HDHD5: variants seen among roughly 807,000 people sequenced by gnomAD.
HDHD5 encodes haloacid dehalogenase like hydrolase domain containing 5.
In HDHD5, 34 loss-of-function variants were observed where a neutral mutation model predicts 35.5. That is an observed-to-expected ratio of 0.96 (90% confidence interval 0.73 to 1.28). The LOEUF (loss-of-function observed/expected upper bound fraction) is 1.28, where lower values mean the gene tolerates loss of function less well. Ranked by LOEUF, HDHD5 falls within the 50% of genes most tolerant of loss-of-function variation. The pLI, the probability that HDHD5 is intolerant of heterozygous loss-of-function variation, is 0.00. For synonymous variants in HDHD5, 248 were observed against 240.6 expected (o/e 1.03, Z -0.29); for missense variants, 589 against 560.2 (o/e 1.05, Z -0.52).
chr22:17,159,533 C>T (rs1183751620), upstream of HDHD5: 3 of 457,806 alleles, frequency 6.6e-6, no homozygotes, highest in South Asian at 3.2e-5. Flanking sequence ...GTACTATCGC[C>T]CTGTGCCTGC....
At chr22:17,162,217 C>T (rs1166371008), upstream of HDHD5, among the ~76,000 whole-genome samples, 1 of 152,178 alleles carries the variant, frequency 6.6e-6, no homozygotes, top group Non-Finnish European at 1.5e-5. Context: ...AACCCTTGAC[C>T]AAAACCTCAT....
chr22:17,141,428 G>T, intron 5 of HDHD5, 195 bp from the exon 6 acceptor site: 1 of 1,362,166 alleles, frequency 7.3e-7, no homozygotes, highest in Non-Finnish European at 9.4e-7. Flanking sequence ...CAGGGCCCAG[G>T]AAGGAGATTC....
rs369297006 is a variant in HDHD5 at position 17,145,105 on chromosome 22, T to C, written c.456A>G (p.Arg152=). ...GCAGCTCATCCACGGTGACGACATT[T>C]CGGAAGCCCAGTCTGGAGCAAGCTC... ...VMENAQGLGF[R]NVVTVDELRM... Residue 152 remains arginine (R), a synonymous_variant, in exon 4 of 8, where the codon CGA becomes CGG. Transcript: ENST00000336737. The C allele has an allele frequency of 6.4e-5, 104 of 1,613,824 alleles. No homozygotes were observed. Among genetic ancestry groups the C allele is most frequent in the Non-Finnish European group, 8.4e-5 (99 of 1,179,990 alleles).
upstream of HDHD5, among the ~76,000 whole-genome samples, chr22:17,163,401 A>G (rs886709001): frequency 1.8e-4 from 28 of 152,180 alleles, no homozygotes; most frequent in African/African-American, 6.3e-4. Flanking sequence ...TTGGATGTGC[A>G]TATCTGATCA....
In HDHD5 at chr22:17,152,847, C is replaced by G. The variant is rs188771260; in HGVS notation, c.127-3102G>C. Among the ~76,000 whole-genome samples the G allele has an allele frequency of 5.2e-3, 796 of 152,070 alleles. 13 individuals are homozygous for G. Among genetic ancestry groups the G allele is most frequent in the Non-Finnish European group, 3.9e-3 (263 of 68,004 alleles). On this transcript the variant is annotated intron_variant, in intron 1 of 7. Coordinates refer to ENST00000336737, the MANE Select transcript of HDHD5 (RefSeq NM_033070.3). ...CTTCTTTCCACTGAACAGGCAAGAC[C>G]CCCGGGAGAGGCAATCTTCCAGCTC...
chr22:17,164,363 A>C (rs1405813777), intron 1 of HDHD5, among the ~76,000 whole-genome samples: 1 of 152,238 alleles, frequency 6.6e-6, no homozygotes. Context: ...AGTTAGGATT[A>C]GGTTTGGCTG....
chr22:17,138,613 A>G lies in HDHD5; in HGVS notation c.872T>C (p.Leu291Pro). 6.2e-7 allele frequency: 1 copy of G among 1,614,244 alleles called. No homozygotes were observed. The highest frequency in any genetic ancestry group is 8.5e-7 in the Non-Finnish European group (1 of 1,180,038). ...SILTYQYAED[L>P]IRRQAERRGW... is the part of the protein sequence containing the mutation. ...CCGCCTCTCCGCCTGTCGCCTGATC[A>G]GGTCCTCGGCATACTGGTAAGTGAG... The change falls in exon 7 of 8, where the codon CTG (leucine) becomes CCG (proline). Residue 291 changes from leucine to proline, a missense_variant. Leu to Pro is a moderately conservative substitution (Grantham distance 98). Coordinates refer to ENST00000336737, the MANE Select transcript of HDHD5 (RefSeq NM_033070.3).
Position 17,148,560 on chromosome 22 carries a change from C to CCAAGTTATCCTCTTGG in HDHD5, c.331-1_331insCCAAGAGGATAACTTG (p.Val111ProfsTer4). 1.2e-6 allele frequency: 2 copies of CCAAGTTATCCTCTTGG among 1,611,522 alleles called. No individual in the cohort carries two copies. Among genetic ancestry groups the CCAAGTTATCCTCTTGG allele is most frequent in the Non-Finnish European group, 1.7e-6 (2 of 1,177,678 alleles). Reference sequence around the variant, plus strand: ...GAGAGGATAACTTGGTCTGCATCCACCTGTAGGGACAGCCAAGACAGGGGA... The same window carrying CCAAGTTATCCTCTTGG: ...GAGAGGATAACTTGGTCTGCATCCACCAAGTTATCCTCTTGGCTGTAGGGACAGCCAAGACAGGGGA... On this transcript the variant is annotated stop_gained and frameshift_variant and splice_region_variant. Transcript: ENST00000336737. LOFTEE classifies it high-confidence loss of function.
intron 6 of HDHD5, among the ~76,000 whole-genome samples, chr22:17,139,344 A>G (rs1338755782): frequency 6.6e-6 from 1 of 152,106 alleles, no homozygotes; most frequent in African/African-American, 2.4e-5. Context: ...TCTGGCCAAC[A>G]TGGTGAAAGC....
At chr22:17,150,548 T>C in intron 1 of HDHD5, among the ~76,000 whole-genome samples, 1 of 150,012 alleles carries the variant, frequency 6.7e-6, no homozygotes, top group East Asian at 1.9e-4. Context: ...AGACAGAGTC[T>C]TGCTCTGTCG....
intron 1 of HDHD5, among the ~76,000 whole-genome samples, chr22:17,152,545 G>A (rs904235342): frequency 3.3e-5 from 5 of 152,118 alleles, no homozygotes; most frequent in Non-Finnish European, 5.9e-5. Context: ...AGCGGGCAGC[G>A]AGAGGTCATT....
chr22:17,145,711 T>G (rs2061655111), intron 3 of HDHD5, among the ~76,000 whole-genome samples: 1 of 151,886 alleles, frequency 6.6e-6, no homozygotes, highest in Non-Finnish European at 1.5e-5. Context: ...CAAAAAACTC[T>G]GTCCCCAAGG....
intron 2 of HDHD5, among the ~76,000 whole-genome samples, chr22:17,149,170 T>C (rs1448646298): frequency 6.6e-6 from 1 of 152,160 alleles, no homozygotes; most frequent in East Asian, 1.9e-4. Context: ...TGCATCAAAG[T>C]TGGGATATGG....
chr22:17,148,335 C>T, intron 3 of HDHD5, 113 bp downstream of exon 3: 1 of 836,358 alleles, frequency 1.2e-6, no homozygotes, highest in Non-Finnish European at 2.0e-6. Context: ...CCCACAACAT[C>T]GCCTGTGTAC....
At chr22:17,140,549 C>T (rs1176712294) in intron 6 of HDHD5, among the ~76,000 whole-genome samples, 2 of 152,116 alleles carry the variant, frequency 1.3e-5, no homozygotes, top group Non-Finnish European at 2.9e-5. Context: ...TGCACCACTG[C>T]ACTCCAGCCT....
chr22:17,157,936 T>C (rs2061817831), intron 1 of HDHD5, among the ~76,000 whole-genome samples: 1 of 152,222 alleles, frequency 6.6e-6, no homozygotes, highest in Admixed American at 6.5e-5. Context: ...ATAATAGTAC[T>C]TTCCTCGGAG....
At chr22:17,161,336 A>G (rs1383434787), upstream of HDHD5, among the ~76,000 whole-genome samples, 2 of 151,464 alleles carry the variant, frequency 1.3e-5, no homozygotes, top group Non-Finnish European at 1.5e-5. Context: ...AGGTAGGTGG[A>G]TCATCTGAGG....
In HDHD5 at chr22:17,137,827, T is replaced by C. The variant is rs2061550698; in HGVS notation, c.*194A>G. ...GGCCCAGAAAATTCCAACCGTTCCA[T>C]ACAAAATGCTACCCAGCAGGGAAAA... On this transcript the variant is annotated 3_prime_UTR_variant, in exon 8 of 8. Transcript: ENST00000336737. The C allele has an allele frequency of 2.1e-5, 12 of 577,598 alleles. No homozygotes were observed. The South Asian group carries it at 2.7e-4, about 13-fold the overall frequency. The allele number at this position is 577,598 out of a possible 1,614,324, so 35.8% of individuals were successfully genotyped here.
At position 17,148,467 on chromosome 22, in the gene HDHD5, C is replaced by G. The variant is rs193274952; in HGVS notation, c.424G>C (p.Val142Leu). The change falls in exon 3 of 8, where the codon GTG (valine) becomes CTG (leucine). Residue 142 changes from valine to leucine, a missense_variant. Transcript: ENST00000336737. ...GGATACCCCTGGGCATTTTCCATCA[C>G]GGGCCCCTGTCCAGACACCAGCATC... Reference protein sequence around the residue: ...KRMLVSGQGPVMENAQGLGFR... With the variant: ...KRMLVSGQGPLMENAQGLGFR... 8.1e-6 allele frequency: 13 copies of G among 1,614,074 alleles called. No individual in the cohort carries two copies. In the Admixed American group the frequency reaches 1.3e-4, roughly 17 times the overall value.
Sources: gnomAD v4.1 joint callset for allele counts (sites outside exome capture counted in the v4.1 genomes callset) on GRCh38, gnomAD v4.1.1 for gene constraint, MANE v1.5 for transcripts, NCBI Gene and HGNC (gene_info 2026-07-23, HGNC 2026-07-21) for gene names.